The following KCNQ5 variants were observed in gnomAD, a reference collection of about 807,000 sequenced individuals.
The protein encoded by KCNQ5 is potassium voltage-gated channel subfamily Q member 5.
In KCNQ5, 30 loss-of-function variants were observed where a neutral mutation model predicts 98.2. The observed-to-expected ratio is 0.31, with a 90% CI of 0.23 to 0.41. The LOEUF (loss-of-function observed/expected upper bound fraction) is 0.41. KCNQ5 is among the 10% of genes least tolerant of loss of function. The pLI is 1.00. For missense variants in KCNQ5, 835 were observed against 1,182.5 expected (o/e 0.71, Z 4.31); for synonymous variants, 458 against 449.4 (o/e 1.02, Z -0.24).
chr6:73,116,713 T>C (rs1775512858), intron 7 of KCNQ5, among the ~76,000 whole-genome samples: 1 of 152,070 alleles, frequency 6.6e-6, no homozygotes, highest in Non-Finnish European at 1.5e-5. Flanking sequence ...TTCTTAAAAA[T>C]AGAAGCAACA....
chr6:72,835,898 A>G (rs1776483805), intron 1 of KCNQ5, among the ~76,000 whole-genome samples: 1 of 152,224 alleles, frequency 6.6e-6, no homozygotes, highest in Admixed American at 6.5e-5. Context: ...ATGACTATAT[A>G]ATAGTATATC....
At chr6:72,917,007 A>C (rs1422595077) in intron 1 of KCNQ5, among the ~76,000 whole-genome samples, 1 of 152,200 alleles carries the variant, frequency 6.6e-6, no homozygotes, top group Non-Finnish European at 1.5e-5. Flanking sequence ...CTGTATCATG[A>C]ACATATTCCC....
chr6:72,961,370 A>C (rs1767337260), intron 1 of KCNQ5, among the ~76,000 whole-genome samples: 1 of 152,062 alleles, frequency 6.6e-6, no homozygotes, highest in African/African-American at 2.4e-5. Context: ...TAATCCCAGC[A>C]CTTTGGGAGG....
At chr6:72,806,228 G>A (rs913112747) in intron 1 of KCNQ5, among the ~76,000 whole-genome samples, 2 of 152,028 alleles carry the variant, frequency 1.3e-5, no homozygotes, top group African/African-American at 4.8e-5. Context: ...ATTTCTTAAC[G>A]ATATATATAA....
At chr6:73,056,770 A>C (rs1772520294) in intron 3 of KCNQ5, among the ~76,000 whole-genome samples, 3 of 152,196 alleles carry the variant, frequency 2.0e-5, no homozygotes, top group Admixed American at 1.3e-4. Context: ...CAATAAAAAA[A>C]AGAATGCCAT....
intron 1 of KCNQ5, among the ~76,000 whole-genome samples, chr6:72,854,721 T>TAC (rs59899899): frequency 0.02 from 2,564 of 126,798 alleles, 32 homozygotes; most frequent in African/African-American, 0.034. Context: ...TCTTTCTTTG[T>TAC]ACACACACAC....
At chr6:72,899,182 AC>A (rs1414437751) in intron 1 of KCNQ5, among the ~76,000 whole-genome samples, 2 of 152,166 alleles carry the variant, frequency 1.3e-5, no homozygotes, top group African/African-American at 4.8e-5. Flanking sequence ...ACATTATTAA[AC>A]AGATAATTTC....
chr6:72,825,485 G>A (rs1199499913), intron 1 of KCNQ5, among the ~76,000 whole-genome samples: 1 of 152,212 alleles, frequency 6.6e-6, no homozygotes, highest in Non-Finnish European at 1.5e-5. Flanking sequence ...GAGTCACTGA[G>A]TGCAGACTGG....
At chr6:72,707,107 G>C (rs117687137) in intron 1 of KCNQ5, among the ~76,000 whole-genome samples, 2,037 of 152,262 alleles carry the variant, frequency 0.013, 15 homozygotes, top group Non-Finnish European at 0.02. Context: ...TTTTCAACTG[G>C]AAATGACAAT....
Position 72,622,317 on chromosome 6 carries a change from G to T in KCNQ5, c.128G>T (p.Arg43Leu), listed in dbSNP as rs1255021815. ...GGCATGAAGGATGTGGAGTCCGGCC[G>T]GGGCAGGGTGCTGCTGAACTCGGCA... is the stretch of plus-strand genomic sequence containing the variant. Reference protein sequence around the residue: ...GSGMKDVESGRGRVLLNSAAA... With the variant: ...GSGMKDVESGLGRVLLNSAAA... Residue 43 changes from arginine (R) to leucine (L), a missense_variant, in exon 1 of 14, where the codon CGG (arginine) becomes CTG (leucine). By Grantham distance (102) the Arg-to-Leu change is moderately radical (BLOSUM62 -2). Transcript: ENST00000370398. The surrounding 1 kb of genome is among the most constrained non-coding windows in gnomAD (Gnocchi z 6.0). 7.3e-7 allele frequency: 1 copy of T among 1,375,780 alleles called. No homozygotes were observed. 85.2% of individuals were successfully genotyped at this position (1,375,780 alleles called of 1,614,324 possible). A position where few individuals can be genotyped will look rare whatever the true frequency, so the allele number is the denominator to read the frequency against.
At chr6:73,005,202 A>G (rs1769762367) in intron 2 of KCNQ5, among the ~76,000 whole-genome samples, 1 of 152,244 alleles carries the variant, frequency 6.6e-6, no homozygotes, top group African/African-American at 2.4e-5. Context: ...GAGAACAGAT[A>G]GACCAAAGAG....
At chr6:72,736,157 A>G (rs958035627) in intron 1 of KCNQ5, among the ~76,000 whole-genome samples, 2 of 152,036 alleles carry the variant, frequency 1.3e-5, no homozygotes, top group East Asian at 1.9e-4. Flanking sequence ...GACACTGACA[A>G]TTTTTGTCAG....
intron 1 of KCNQ5, among the ~76,000 whole-genome samples, chr6:72,967,154 C>T (rs1411515843): frequency 6.6e-6 from 1 of 152,098 alleles, no homozygotes; most frequent in Non-Finnish European, 1.5e-5. Flanking sequence ...AAATGAACTT[C>T]CATAAATTTA....
chr6:72,737,070 C>T (rs1171233859), intron 1 of KCNQ5, among the ~76,000 whole-genome samples: 1 of 152,100 alleles, frequency 6.6e-6, no homozygotes, highest in Admixed American at 6.5e-5. Flanking sequence ...AAGTGATTCT[C>T]CTGCCTCAGC....
rs529830938 is a variant in KCNQ5 at position 73,197,022 on chromosome 6, T to C, written c.*1608T>C. On this transcript the variant is annotated 3_prime_UTR_variant, in exon 14 of 14. Coordinates refer to ENST00000370398, the MANE Select transcript of KCNQ5 (RefSeq NM_019842.4). Reference sequence around the variant, plus strand: ...AAGGAAGTTGTTTCCTTGGCAGACATAAATGCTGCCTCCAGAAGTACTTCT... The same window carrying C: ...AAGGAAGTTGTTTCCTTGGCAGACACAAATGCTGCCTCCAGAAGTACTTCT... 2.0e-5 allele frequency: 3 copies of C among 152,166 alleles called. No homozygotes were observed. Among genetic ancestry groups the C allele is most frequent in the African/African-American group, 7.2e-5 (3 of 41,494 alleles). The allele number at this position is 152,166 out of a possible 1,614,324, so 9.4% of individuals were successfully genotyped here. A position where few individuals can be genotyped will look rare whatever the true frequency, so the allele number is the denominator to read the frequency against.
intron 1 of KCNQ5, among the ~76,000 whole-genome samples, chr6:72,876,823 C>T (rs1229097904): frequency 6.6e-6 from 1 of 152,116 alleles, no homozygotes; most frequent in African/African-American, 2.4e-5. Context: ...TTACAGAGTA[C>T]AGAATTAGGA....
chr6:72,779,857 G>A (rs1016989856), intron 1 of KCNQ5, among the ~76,000 whole-genome samples: 56 of 149,540 alleles, frequency 3.7e-4, no homozygotes, highest in African/African-American at 1.4e-3. Flanking sequence ...GTGTGTGTGT[G>A]TGTGTGTGTG....
intron 1 of KCNQ5, among the ~76,000 whole-genome samples, chr6:73,002,814 C>G (rs1399108511): frequency 6.6e-6 from 1 of 152,140 alleles, no homozygotes; most frequent in Non-Finnish European, 1.5e-5. Context: ...CATTAGGAGC[C>G]AGATTTGTCC....
intron 9 of KCNQ5, among the ~76,000 whole-genome samples, chr6:73,132,439 CATTT>C (rs1445051617): frequency 6.6e-6 from 1 of 152,104 alleles, no homozygotes. Flanking sequence ...TCTTACAGTT[CATTT>C]GATTCCCACA....
Sources: gnomAD v4.1 joint callset for allele counts (sites outside exome capture counted in the v4.1 genomes callset) on GRCh38, gnomAD v4.1.1 for gene constraint, Gnocchi (gnomAD v3.1) non-coding constraint, MANE v1.5 for transcripts, NCBI Gene and HGNC (gene_info 2026-07-23, HGNC 2026-07-21) for gene names.